PTPRN2: variants seen among roughly 807,000 people sequenced by gnomAD.
The protein encoded by PTPRN2 is protein tyrosine phosphatase receptor type N2, also known as receptor-type tyrosine-protein phosphatase N2.
A neutral mutation model predicts 118.8 loss-of-function variants in PTPRN2; 74 were observed. The ratio of observed to expected loss-of-function variants is 0.62; its 90% CI spans 0.52 to 0.76. PTPRN2 has a LOEUF of 0.76. PTPRN2 is among the 30% of genes least tolerant of loss of function. The pLI, the probability that PTPRN2 is intolerant of heterozygous loss-of-function variation, is 0.00. For synonymous variants in PTPRN2, 641 were observed against 608.0 expected (o/e 1.05, Z -0.80); for missense variants, 1,481 against 1,394.4 (o/e 1.06, Z -0.99).
At chr7:158,419,006 TAA>T (rs1815030646) in intron 2 of PTPRN2, among the ~76,000 whole-genome samples, 1 of 152,278 alleles carries the variant, frequency 6.6e-6, no homozygotes. Context: ...CATTTTCCTA[TAA>T]GTTATTCCAG....
intron 11 of PTPRN2, among the ~76,000 whole-genome samples, chr7:157,938,742 T>C (rs867522775): frequency 8.5e-5 from 13 of 152,356 alleles, no homozygotes; most frequent in Middle Eastern, 3.4e-3. Flanking sequence ...ATTGTCCTTG[T>C]AGTACACTAA....
intron 11 of PTPRN2, among the ~76,000 whole-genome samples, chr7:157,970,205 A>C (rs1310806353): frequency 6.6e-6 from 1 of 152,196 alleles, no homozygotes; most frequent in East Asian, 1.9e-4. Flanking sequence ...ATAACTGCAC[A>C]ATATACTTGC....
At chr7:157,650,450 C>T (rs889934594) in intron 14 of PTPRN2, among the ~76,000 whole-genome samples, 8 of 152,276 alleles carry the variant, frequency 5.3e-5, no homozygotes, top group Middle Eastern at 3.2e-3. Context: ...ACAGCAGCAA[C>T]GGCCTGCCGT....
At chr7:157,717,412 A>T (rs928773829) in intron 12 of PTPRN2, among the ~76,000 whole-genome samples, 1 of 152,252 alleles carries the variant, frequency 6.6e-6, no homozygotes, top group African/African-American at 2.4e-5. Flanking sequence ...ATGCATCGCC[A>T]CAAGGTCACA....
At chr7:158,530,270 G>A (rs562603172) in intron 1 of PTPRN2, among the ~76,000 whole-genome samples, 1 of 152,340 alleles carries the variant, frequency 6.6e-6, no homozygotes, top group East Asian at 1.9e-4. Context: ...TAATAATTAA[G>A]TGAAGCAATG....
chr7:158,473,717 T>TTGAGCTCA (rs1358281300), intron 2 of PTPRN2, among the ~76,000 whole-genome samples: 86 of 152,292 alleles, frequency 5.6e-4, no homozygotes, highest in African/African-American at 2.0e-3. Flanking sequence ...TGACCTCAGC[T>TTGAGCTCA]TTGAAAACCA....
At chr7:158,370,359 C>A (rs1029392085) in intron 2 of PTPRN2, among the ~76,000 whole-genome samples, 2 of 152,144 alleles carry the variant, frequency 1.3e-5, no homozygotes, top group Non-Finnish European at 2.9e-5. Context: ...TTGCTTGAAC[C>A]TGGGAGGCAG....
rs537661884 is a variant in PTPRN2, at chr7:157,550,068, G to A, written c.2903-1049C>T. On this transcript the variant is annotated intron_variant, in intron 21 of 22. Coordinates refer to ENST00000389418, the MANE Select transcript of PTPRN2 (RefSeq NM_002847.5). This position sits in a 1 kb window ranked among gnomAD's most constrained non-coding sequence, Gnocchi z 5.2. ...GCTGGCCGAAGACCTGAGGAGGCCC[G>A]GGTGGCCCAGAGTCAGGTGGTCCCC... Among the ~76,000 whole-genome samples the A allele has an allele frequency of 1.4e-4, 22 of 152,344 alleles. No individual in the cohort carries two copies. In the South Asian group the frequency reaches 2.9e-3, roughly 20 times the overall value.
chr7:158,168,368 C>A (rs115701435), intron 5 of PTPRN2, among the ~76,000 whole-genome samples: 2,099 of 152,322 alleles, frequency 0.014, 49 homozygotes, highest in African/African-American at 0.048. Context: ...TCGGCGGTGC[C>A]TCCCTGGTGG....
intron 2 of PTPRN2, among the ~76,000 whole-genome samples, chr7:158,407,149 T>TCCCGGGTCCC (rs1813534410): frequency 9.8e-6 from 1 of 102,480 alleles, no homozygotes; most frequent in East Asian, 4.0e-4. Context: ...TCCTGCGTCC[T>TCCCGGGTCCC]GGGTCCTGGG....
rs1798897621 is a variant in PTPRN2, at chr7:157,925,114, T to C, written c.1724-26377A>G. Among the ~76,000 whole-genome samples, 2 of 94,416 alleles carry C rather than the reference T, an allele frequency of 2.1e-5. 1 individual carries two copies. Among genetic ancestry groups the C allele is most frequent in the South Asian group, 6.1e-4 (2 of 3,274 alleles). 61.9% of individuals were successfully genotyped at this position (94,416 alleles called of 152,430 possible). A position where few individuals can be genotyped will look rare whatever the true frequency, so the allele number is the denominator to read the frequency against. On this transcript the variant is annotated intron_variant, in intron 11 of 22. Coordinates refer to ENST00000389418, the MANE Select transcript of PTPRN2 (RefSeq NM_002847.5). The stretch of plus-strand genomic sequence containing the variant: ...TTAGCACGTCAAGCAAATGCAGTTA[T>C]TGAAGTGTAGTCAGGATGCACCTGC...
In PTPRN2 at chr7:157,807,239, G is replaced by A. The variant is rs374684461; in HGVS notation, c.1788+91434C>T. Among the ~76,000 whole-genome samples, 7 of 152,298 alleles carry A rather than the reference G, an allele frequency of 4.6e-5. No homozygotes were observed. In the East Asian group the frequency reaches 5.8e-4, roughly 13 times the overall value. ...AGCTTGCAGGTGCCCAGCCCTTTCC[G>A]TGCCCTCTTGAGATGGGTTGGGGCA... On this transcript the variant is annotated intron_variant, in intron 12 of 22. Transcript: ENST00000389418.
chr7:157,808,052 G>A lies in PTPRN2; in HGVS notation c.1788+90621C>T, dbSNP rs1426850166. On this transcript the variant is annotated intron_variant, in intron 12 of 22. Coordinates refer to ENST00000389418, the MANE Select transcript of PTPRN2 (RefSeq NM_002847.5). This position sits in a 1 kb window ranked among gnomAD's most constrained non-coding sequence, Gnocchi z 5.0. The stretch of plus-strand genomic sequence containing the variant: ...GTGTTTGCCCCCAAACTCACACTCT[G>A]TAAAAGTCCATGGGCATCCCAGATC... Among the ~76,000 whole-genome samples, 1 of 152,196 alleles carries A rather than the reference G, an allele frequency of 6.6e-6. No homozygotes were observed. Among genetic ancestry groups the A allele is most frequent in the African/African-American group, 2.4e-5 (1 of 41,450 alleles).
At chr7:157,849,224 C>T (rs1043171292) in intron 12 of PTPRN2, among the ~76,000 whole-genome samples, 3 of 152,178 alleles carry the variant, frequency 2.0e-5, no homozygotes, top group Non-Finnish European at 2.9e-5. Flanking sequence ...CTGTTCCCAC[C>T]GAAGAGGCAG....
chr7:158,004,552 C>T (rs1210273003), intron 11 of PTPRN2, among the ~76,000 whole-genome samples: 3 of 152,158 alleles, frequency 2.0e-5, no homozygotes, highest in East Asian at 3.9e-4. Context: ...CATTATATTT[C>T]TCTGAGATAA....
In PTPRN2 at chr7:157,976,424, C is replaced by A. The variant is rs550598529; in HGVS notation, c.1724-77687G>T. ...TCTTTATTGTTCAGTTATGAGGCTTCTTCCTCAGTTCCATGGGTTAAAATC... is the reference window on the plus strand; with the variant it reads ...TCTTTATTGTTCAGTTATGAGGCTTATTCCTCAGTTCCATGGGTTAAAATC... On this transcript the variant is annotated intron_variant, in intron 11 of 22. Coordinates refer to ENST00000389418, the MANE Select transcript of PTPRN2 (RefSeq NM_002847.5). Among the ~76,000 whole-genome samples, 21 of 152,256 alleles carry A rather than the reference C, an allele frequency of 1.4e-4. No homozygotes were observed. In the South Asian group the frequency reaches 3.9e-3, roughly 29 times the overall value.
intron 12 of PTPRN2, among the ~76,000 whole-genome samples, chr7:157,689,444 C>T (rs894173441): frequency 3.9e-5 from 6 of 152,178 alleles, no homozygotes; most frequent in African/African-American, 1.4e-4. Context: ...AGGGCTGTGG[C>T]GGGGCCCCTC....
At chr7:158,395,680 G>GGCGAGGC (rs1239664240) in intron 2 of PTPRN2, among the ~76,000 whole-genome samples, 1 of 28,200 alleles carries the variant, frequency 3.5e-5, no homozygotes, top group South Asian at 1.2e-3. Context: ...AGGCGCGAGG[G>GGCGAGGC]GCGAGGCGCG....
At chr7:157,827,368 C>CACAAT (rs1807245306) in intron 12 of PTPRN2, among the ~76,000 whole-genome samples, 1 of 124,468 alleles carries the variant, frequency 8.0e-6, no homozygotes, top group South Asian at 2.7e-4. Flanking sequence ...GAGACCACAA[C>CACAAT]ACAACACAAC....
Sources: gnomAD v4.1 joint callset for allele counts (sites outside exome capture counted in the v4.1 genomes callset) on GRCh38, gnomAD v4.1.1 for gene constraint, Gnocchi (gnomAD v3.1) non-coding constraint, MANE v1.5 for transcripts, NCBI Gene and HGNC (gene_info 2026-07-23, HGNC 2026-07-21) for gene names.